CACNA2D2: variants seen among roughly 807,000 people sequenced by gnomAD.
The protein encoded by CACNA2D2 is calcium voltage-gated channel auxiliary subunit alpha2delta 2.
CACNA2D2 carries 48 observed loss-of-function variants against 166.4 expected under a neutral mutation model. That is an observed-to-expected ratio of 0.29 (90% CI 0.23 to 0.37). The LOEUF (loss-of-function observed/expected upper bound fraction) is 0.37, where lower values mean the gene tolerates loss of function less well. Among genes scored for constraint, CACNA2D2 ranks in the 10% least tolerant of loss-of-function variants. The pLI is 1.00. For synonymous variants in CACNA2D2, 561 were observed against 573.7 expected (o/e 0.98, Z 0.32); for missense variants, 1,122 against 1,433.0 (o/e 0.78, Z 3.50).
intron 3 of CACNA2D2, among the ~76,000 whole-genome samples, chr3:50,417,199 C>T (rs1707305954): frequency 6.6e-6 from 1 of 152,180 alleles, no homozygotes; most frequent in South Asian, 2.1e-4. Flanking sequence ...GGTGTAGACA[C>T]ATGTCTCACT....
In CACNA2D2 at chr3:50,365,096, G is replaced by A. The variant is rs761547938; in HGVS notation, c.3187C>T (p.Leu1063=). 2.5e-6 allele frequency: 4 copies of A among 1,611,658 alleles called. No individual in the cohort carries two copies. The highest frequency in any genetic ancestry group is 1.1e-5 in the South Asian group (1 of 91,070). Residue 1063 remains leucine (L), a synonymous_variant, in exon 36 of 38, where the codon CTG becomes TTG. Coordinates refer to ENST00000424201, the MANE Select transcript of CACNA2D2 (RefSeq NM_006030.4). This position sits in a 1 kb window ranked among gnomAD's most constrained non-coding sequence, Gnocchi z 4.5. The stretch of plus-strand genomic sequence containing the variant: ...ATACAGTGCGTCTCCTTCTGCAGCA[G>A]CCGGCCAGCCTCGCACTGGCTGCAC... The part of the protein sequence containing the change: ...PLCSQCEAGR[L]LQKETHSDGP...
intron 1 of CACNA2D2, among the ~76,000 whole-genome samples, chr3:50,482,057 G>C (rs1698077411): frequency 6.6e-6 from 1 of 152,124 alleles, no homozygotes; most frequent in African/African-American, 2.4e-5. Context: ...ATTTCCACTG[G>C]CCTGTTACCT....
In CACNA2D2 at chr3:50,376,042, A is replaced by G; in HGVS notation, c.1702-8T>C. ...CTCCCGGAAGTTGGTGGTCTGTTGG[A>G]GGCAGGGTGGGAAGTCAGAAGTCCC... On this transcript the variant is annotated splice_polypyrimidine_tract_variant and splice_region_variant and intron_variant, in intron 18 of 37. Transcript: ENST00000424201. The surrounding 1 kb of genome is among the most constrained non-coding windows in gnomAD (Gnocchi z 4.3). The G allele has an allele frequency of 6.2e-7, 1 of 1,613,192 alleles. No homozygotes were observed. The highest frequency in any genetic ancestry group is 8.5e-7 in the Non-Finnish European group (1 of 1,179,962).
At chr3:50,372,064 G>C (rs901465600) in intron 22 of CACNA2D2, among the ~76,000 whole-genome samples, 4 of 151,980 alleles carry the variant, frequency 2.6e-5, no homozygotes, top group Non-Finnish European at 5.9e-5. Flanking sequence ...GGCTCTCCAT[G>C]CCCCATCTGC....
At chr3:50,501,387 A>T (rs1359949153) in intron 1 of CACNA2D2, among the ~76,000 whole-genome samples, 2 of 60,646 alleles carry the variant, frequency 3.3e-5, no homozygotes, top group Non-Finnish European at 3.4e-5. Context: ...CCCCCACCCC[A>T]CCCCCACCCT....
At chr3:50,471,464 C>T (rs1710092015) in intron 2 of CACNA2D2, among the ~76,000 whole-genome samples, 1 of 152,194 alleles carries the variant, frequency 6.6e-6, no homozygotes, top group Admixed American at 6.5e-5. Context: ...TCCTCTTCTG[C>T]TCCAGCCCCT....
chr3:50,382,008 AC>A (rs1705346421), intron 6 of CACNA2D2, among the ~76,000 whole-genome samples: 1 of 151,402 alleles, frequency 6.6e-6, no homozygotes, highest in Non-Finnish European at 1.5e-5. Flanking sequence ...ACACACACAC[AC>A]ACACACACAC....
intron 6 of CACNA2D2, among the ~76,000 whole-genome samples, chr3:50,383,394 G>A (rs949988141): frequency 6.6e-6 from 1 of 152,204 alleles, no homozygotes; most frequent in South Asian, 2.1e-4. Flanking sequence ...GGATTCCAAG[G>A]CTACTCTGTA....
Position 50,390,805 on chromosome 3 carries a change from G to C in CACNA2D2, c.466-3193C>G, listed in dbSNP as rs139014182. On this transcript the variant is annotated intron_variant, in intron 4 of 37. Transcript: ENST00000424201. ...GAGGGTGGGTCTCAGGGAACAAGCT[G>C]AGGAAATGAGCACGGGGTGAGCGGG... 2.4e-3 allele frequency among the ~76,000 whole-genome samples: 371 copies of C among 152,280 alleles called. 2 individuals carry two copies. The highest frequency in any genetic ancestry group is 8.5e-3 in the African/African-American group (354 of 41,546).
intron 2 of CACNA2D2, among the ~76,000 whole-genome samples, chr3:50,449,875 T>C (rs1220267764): frequency 2.0e-5 from 3 of 152,204 alleles, no homozygotes; most frequent in African/African-American, 7.2e-5. Context: ...GGCTGGGTTC[T>C]GGGGCTTCAC....
At chr3:50,479,301 G>T (rs1697942669) in intron 1 of CACNA2D2, among the ~76,000 whole-genome samples, 1 of 152,128 alleles carries the variant, frequency 6.6e-6, no homozygotes, top group Non-Finnish European at 1.5e-5. Flanking sequence ...GTCCTCCCAA[G>T]GTCTAGAGGT....
At chr3:50,455,901 T>G (rs1709340578) in intron 2 of CACNA2D2, among the ~76,000 whole-genome samples, 2 of 151,322 alleles carry the variant, frequency 1.3e-5, no homozygotes, top group Admixed American at 6.6e-5. Context: ...GCTCCCCCCA[T>G]TCCTCTCCTC....
At chr3:50,397,132 G>A (rs944160729) in intron 3 of CACNA2D2, among the ~76,000 whole-genome samples, 3 of 152,240 alleles carry the variant, frequency 2.0e-5, no homozygotes, top group Non-Finnish European at 4.4e-5. Flanking sequence ...GGGAGACCCA[G>A]GGAGGGAGGC....
chr3:50,395,449 G>A (rs1706103661), intron 3 of CACNA2D2, among the ~76,000 whole-genome samples: 1 of 152,152 alleles, frequency 6.6e-6, no homozygotes, highest in African/African-American at 2.4e-5. Context: ...TGAGGTGGGT[G>A]GCTCTGGTCT....
rs771957492 is a variant in CACNA2D2, at chr3:50,375,816, A to G, written c.1838T>C (p.Leu613Pro). ...HKQIRTLVKS[L>P]DERYIDEVTR... ...CCAGCCCTGCCTCCTTACCTCATCCAGGGACTTGACCAACGTTCTGATCTG... is the reference window on the plus strand; with the variant it reads ...CCAGCCCTGCCTCCTTACCTCATCCGGGGACTTGACCAACGTTCTGATCTG... Residue 613 changes from leucine (L) to proline (P), a missense_variant, in exon 20 of 38, where the codon CTG becomes CCG. Around this residue, in one of 2 missense-constraint regions of CACNA2D2, gnomAD observed 840 missense variants for 1,166.8 expected, o/e 0.72. Coordinates refer to ENST00000424201, the MANE Select transcript of CACNA2D2 (RefSeq NM_006030.4). This position sits in a 1 kb window ranked among gnomAD's most constrained non-coding sequence, Gnocchi z 4.0. 14 of 1,612,912 alleles carry G rather than the reference A, an allele frequency of 8.7e-6. No homozygotes were observed. Among genetic ancestry groups the G allele is most frequent in the African/African-American group, 6.7e-5 (5 of 74,926 alleles).
At chr3:50,495,482 A>T (rs1560007336) in intron 1 of CACNA2D2, among the ~76,000 whole-genome samples, 1 of 152,238 alleles carries the variant, frequency 6.6e-6, no homozygotes, top group Admixed American at 6.5e-5. Context: ...ATCACAGGGC[A>T]TCACTGGACA....
At chr3:50,459,372 C>T (rs190567163) in intron 2 of CACNA2D2, among the ~76,000 whole-genome samples, 2 of 152,150 alleles carry the variant, frequency 1.3e-5, no homozygotes, top group African/African-American at 4.8e-5. Flanking sequence ...ACAGATGGGT[C>T]CATTTTCTCT....
At chr3:50,433,855 C>T (rs1245725963) in intron 3 of CACNA2D2, among the ~76,000 whole-genome samples, 3 of 152,156 alleles carry the variant, frequency 2.0e-5, no homozygotes, top group Admixed American at 6.5e-5. Flanking sequence ...CCCATCCTTA[C>T]GTGGCCTTCT....
rs973450128 is a variant in CACNA2D2 at position 50,363,183 on chromosome 3, G to A, written c.*1483C>T. The A allele has an allele frequency of 1.0e-5, 4 of 398,726 alleles. No individual in the cohort carries two copies. Among genetic ancestry groups the A allele is most frequent in the South Asian group, 1.3e-4 (1 of 7,858 alleles). The allele number at this position is 398,726 out of a possible 1,614,324, so 24.7% of individuals were successfully genotyped here. A position where few individuals can be genotyped will look rare whatever the true frequency, so the allele number is the denominator to read the frequency against. On this transcript the variant is annotated 3_prime_UTR_variant, in exon 38 of 38. Coordinates refer to ENST00000424201, the MANE Select transcript of CACNA2D2 (RefSeq NM_006030.4). The stretch of plus-strand genomic sequence containing the variant: ...CTGACTACACTACAGTTACACGCAC[G>A]CCCCCGAAGGACACAGCTGGCATCC...
Sources: allele counts gnomAD v4.1 joint callset (sites outside exome capture counted in the v4.1 genomes callset), GRCh38; gene constraint gnomAD v4.1.1; regional missense constraint gnomAD v4.1.1; non-coding constraint Gnocchi (gnomAD v3.1); transcripts MANE v1.5; gene names NCBI Gene and HGNC (gene_info 2026-07-23, HGNC 2026-07-21).